Variants in KCNH8 observed in about 807,000 individuals in gnomAD.
KCNH8 encodes the protein potassium voltage-gated channel subfamily H member 8, also known as voltage-gated delayed rectifier potassium channel KCNH8.
KCNH8 carries 70 observed loss-of-function variants against 103.6 expected under a neutral mutation model. That is an observed-to-expected ratio of 0.68 (90% CI 0.56 to 0.82). KCNH8 has a LOEUF of 0.82. Ranked by LOEUF, KCNH8 falls within the 40% of genes least tolerant of loss-of-function variation. The pLI, the probability that KCNH8 is intolerant of heterozygous loss-of-function variation, is 0.00. For synonymous variants in KCNH8, 498 were observed against 489.4 expected, an observed-to-expected ratio of 1.02 and a Z score of -0.23; for missense variants, 1,217 against 1,329.9, an observed-to-expected ratio of 0.92 and a Z score of 1.32.
At chr3:19,365,254 G>A (rs1277313552) in intron 5 of KCNH8, among the ~76,000 whole-genome samples, 1 of 152,060 alleles carries the variant, frequency 6.6e-6, no homozygotes, top group African/African-American at 2.4e-5. Flanking sequence ...AAGCAGTGGA[G>A]AAAAACAAAT....
At chr3:19,189,831 T>C (rs1385424986) in intron 1 of KCNH8, among the ~76,000 whole-genome samples, 1 of 152,052 alleles carries the variant, frequency 6.6e-6, no homozygotes, top group East Asian at 1.9e-4. Context: ...TTCCATCACA[T>C]ATCAGTTGCT....
At chr3:19,411,657 C>T (rs554863246) in intron 7 of KCNH8, among the ~76,000 whole-genome samples, 103 of 152,004 alleles carry the variant, frequency 6.8e-4, no homozygotes, top group Non-Finnish European at 1.3e-3. Flanking sequence ...ACAACTTCAG[C>T]AAATTTCAGG....
At position 19,484,453 on chromosome 3, in the gene KCNH8, G is replaced by A. The variant is rs149030066; in HGVS notation, c.2041-25910G>A. ...AAATTATAAGGAAAATGAGTTTTAC[G>A]ATGATTCTCCTCATGCTTCAGCCGT... On this transcript the variant is annotated intron_variant, in intron 11 of 15. Transcript: ENST00000328405. 3.1e-3 allele frequency among the ~76,000 whole-genome samples: 472 copies of A among 152,266 alleles called. 2 individuals carry two copies. The highest frequency in any genetic ancestry group is 0.011 in the African/African-American group (445 of 41,560).
At chr3:19,249,566 C>T (rs1045934104) in intron 1 of KCNH8, among the ~76,000 whole-genome samples, 4 of 152,184 alleles carry the variant, frequency 2.6e-5, no homozygotes, top group Non-Finnish European at 5.9e-5. Flanking sequence ...AATCCTTCAG[C>T]ATCTTTTGTC....
chr3:19,344,658 T>C (rs1259280783), intron 4 of KCNH8, among the ~76,000 whole-genome samples: 1 of 151,298 alleles, frequency 6.6e-6, no homozygotes, highest in African/African-American at 2.4e-5. Flanking sequence ...AAATGGCAGA[T>C]AGAAGGAAGG....
chr3:19,260,511 T>G (rs2064418549), intron 2 of KCNH8, among the ~76,000 whole-genome samples: 1 of 129,450 alleles, frequency 7.7e-6, no homozygotes, highest in Non-Finnish European at 1.7e-5. Context: ...TATATATATA[T>G]ATATATATAT....
intron 15 of KCNH8, among the ~76,000 whole-genome samples, chr3:19,528,191 T>C (rs986678198): frequency 1.3e-5 from 2 of 152,106 alleles, no homozygotes. Context: ...CTTTATGCAC[T>C]GTCTTTATAA....
chr3:19,498,684 C>T (rs1559358275), intron 11 of KCNH8, among the ~76,000 whole-genome samples: 2 of 152,188 alleles, frequency 1.3e-5, no homozygotes, highest in Non-Finnish European at 2.9e-5. Flanking sequence ...AGTTTTTCTG[C>T]TCTGTTTTTT....
chr3:19,474,031 A>G (rs988581824), intron 11 of KCNH8, among the ~76,000 whole-genome samples: 5 of 152,130 alleles, frequency 3.3e-5, no homozygotes, highest in Admixed American at 6.6e-5. Context: ...TGCCAGGATA[A>G]TAACATTTCA....
intron 3 of KCNH8, among the ~76,000 whole-genome samples, chr3:19,332,347 A>G (rs1206658003): frequency 6.6e-6 from 1 of 152,302 alleles, no homozygotes; most frequent in South Asian, 2.1e-4. Flanking sequence ...TGCAATGTGT[A>G]ACCTCTTGAG....
chr3:19,387,935 TG>T (rs748078345), intron 5 of KCNH8, among the ~76,000 whole-genome samples: 6 of 151,926 alleles, frequency 3.9e-5, no homozygotes, highest in Admixed American at 1.3e-4. Flanking sequence ...AAATACCTGT[TG>T]TTTTTTTTTT....
chr3:19,349,786 T>C (rs1254343884), intron 5 of KCNH8, among the ~76,000 whole-genome samples: 2 of 152,098 alleles, frequency 1.3e-5, no homozygotes, highest in East Asian at 3.9e-4. Flanking sequence ...GGAGACTCAT[T>C]TGCTCCCCTG....
intron 3 of KCNH8, among the ~76,000 whole-genome samples, chr3:19,295,381 C>G (rs933615095): frequency 7.8e-6 from 1 of 128,728 alleles, no homozygotes; most frequent in African/African-American, 2.9e-5. Flanking sequence ...GAGACCCTGT[C>G]TCAAATAAAT....
intron 1 of KCNH8, among the ~76,000 whole-genome samples, chr3:19,158,735 T>C (rs535947678): frequency 1.3e-5 from 2 of 152,094 alleles, no homozygotes; most frequent in South Asian, 4.1e-4. Context: ...GAAATTAACT[T>C]CTATATGTTA....
At chr3:19,450,542 G>A in intron 9 of KCNH8, 1 of 507,016 alleles carries the variant, frequency 2.0e-6, no homozygotes, top group Non-Finnish European at 3.6e-6. Flanking sequence ...TCGATCAGGT[G>A]GATTTATTTT....
In KCNH8 at chr3:19,454,144, CTGTGTGTGTGTGTGTGTGTGTGTGTGTG is replaced by C. The variant is rs372400109; in HGVS notation, c.1826-2598_1826-2571del. Among the ~76,000 whole-genome samples the C allele has an allele frequency of 3.8e-5, 5 of 131,514 alleles. No homozygotes were observed. The East Asian group carries it at 9.0e-4, about 24-fold the overall frequency. 86.3% of individuals were successfully genotyped at this position (131,514 alleles called of 152,430 possible). ...GTAACTCAATATTAGAGTAAGGCTT[CTGTGTGTGTGTGTGTGTGTGTGTGTGTG>C]TGTGTGTGTGTGTGTGTGTGTGTGT... is the stretch of plus-strand genomic sequence containing the variant. On this transcript the variant is annotated intron_variant, in intron 10 of 15. Coordinates refer to ENST00000328405, the MANE Select transcript of KCNH8 (RefSeq NM_144633.3).
chr3:19,498,687 T>A (rs1311788367), intron 11 of KCNH8, among the ~76,000 whole-genome samples: 2 of 152,246 alleles, frequency 1.3e-5, no homozygotes, highest in Admixed American at 1.3e-4. Flanking sequence ...TTTTCTGCTC[T>A]GTTTTTTCCC....
intron 1 of KCNH8, among the ~76,000 whole-genome samples, chr3:19,202,240 G>A (rs563286402): frequency 1.7e-4 from 26 of 152,178 alleles, no homozygotes; most frequent in African/African-American, 6.3e-4. Context: ...GCATGTATTT[G>A]AAGTTTTCAG....
intron 7 of KCNH8, among the ~76,000 whole-genome samples, 190 bp downstream of exon 7, chr3:19,395,501 AT>A (rs200935389): frequency 0.011 from 1,627 of 152,080 alleles, 35 homozygotes; most frequent in African/African-American, 0.037. Flanking sequence ...ACAACGTTAC[AT>A]TTTTTTCAAA....
Sources: gnomAD v4.1 joint callset for allele counts (sites outside exome capture counted in the v4.1 genomes callset) on GRCh38, gnomAD v4.1.1 for gene constraint, MANE v1.5 for transcripts, NCBI Gene and HGNC (gene_info 2026-07-23, HGNC 2026-07-21) for gene names.